Variants in WDR13 observed in about 807,000 individuals in gnomAD.
WDR13 encodes WD repeat-containing protein 13.
In WDR13, 1 loss-of-function variant was observed where a neutral mutation model predicts 28.6. The ratio of observed to expected loss-of-function variants is 0.03; its 90% CI spans 0.01 to 0.17. The LOEUF is 0.17. WDR13 is among the 10% of genes least tolerant of loss of function. WDR13 has a pLI of 1.00. For synonymous variants in WDR13, 201 were observed against 185.9 expected (o/e 1.08, Z -0.66); for missense variants, 264 against 469.3 (o/e 0.56, Z 4.04).
At position 48,607,862 on chromosome X, in the gene WDR13, G is replaced by A. The variant is rs2062230787; in HGVS notation, c.*2830G>A. ...CGGCTTACTGTAACCTCCGCCTCCT[G>A]GGTTCAAGCAATTCTCCTGCCTCAG... On this transcript the variant is annotated 3_prime_UTR_variant, in exon 10 of 10. Coordinates refer to ENST00000376729, the MANE Select transcript of WDR13 (RefSeq NM_001347217.2). The A allele has an allele frequency of 9.3e-6, 1 of 107,489 alleles. No homozygotes were observed. The highest frequency in any genetic ancestry group is 3.0e-4 in the East Asian group (1 of 3,379). 8.9% of individuals were successfully genotyped at this position (107,489 alleles called of 1,213,427 possible).
rs920959595 is a variant in WDR13 at position 48,598,056 on chromosome X, G to A, written c.41+19G>A. 6.0e-6 allele frequency: 7 copies of A among 1,162,571 alleles called. No homozygotes were observed. Among genetic ancestry groups the A allele is most frequent in the Non-Finnish European group, 8.0e-6 (7 of 871,215 alleles). Reference sequence around the variant, plus strand: ...ACGCGAGGTGAGGCGTGGGGTCAAAGCCCATGGGAGCAGAACTTACTGTGG... The same window carrying A: ...ACGCGAGGTGAGGCGTGGGGTCAAAACCCATGGGAGCAGAACTTACTGTGG... On this transcript the variant is annotated intron_variant, in intron 2 of 9. Transcript: ENST00000376729.
In WDR13 at chrX:48,600,479, C is replaced by G. The variant is rs1156296969; in HGVS notation, c.684C>G (p.Ser228=). 1.1e-5 allele frequency: 13 copies of G among 1,211,405 alleles called. No homozygotes were observed. Among genetic ancestry groups the G allele is most frequent in the Non-Finnish European group, 1.5e-5 (13 of 895,535 alleles). ...TCTCCGACTTCGCCTGGTCCCTCTC[C>G]AATGACATCCTCGTGTCCACCTCAC... ...RGVSDFAWSL[S]NDILVSTSLD... is the part of the protein sequence containing the mutation. Residue 228 remains serine (S), a synonymous_variant, in exon 6 of 10, where the codon TCC becomes TCG. Coordinates refer to ENST00000376729, the MANE Select transcript of WDR13 (RefSeq NM_001347217.2).
At chrX:48,601,652 A>G (rs2062186619) in intron 6 of WDR13, 132 bp from the exon 7 acceptor site, 1 of 639,903 alleles carries the variant, frequency 1.6e-6, no homozygotes, top group African/African-American at 2.2e-5. Context: ...CACCTTGTCT[A>G]CCTGCCACAG....
intron 1 of WDR13, 114 bp downstream of exon 1, chrX:48,597,728 T>TA: frequency 2.9e-6 from 1 of 347,097 alleles, no homozygotes; most frequent in Non-Finnish European, 4.9e-6. Context: ...GGAGGGGCGT[T>TA]GCTATGGCGA....
Position 48,599,605 on chromosome X carries a change from G to A in WDR13, c.411G>A (p.Val137=). The A allele has an allele frequency of 8.2e-7, 1 of 1,212,652 alleles. No individual in the cohort carries two copies. Among genetic ancestry groups the A allele is most frequent in the Non-Finnish European group, 1.1e-6 (1 of 895,692 alleles). The part of the protein sequence containing the change: ...VYEDRPPGSV[V]PTSAAEASRA... ...GGCCCAGGCCCCCTGGCAGCGTGGTGCCCACGTCAGCAGCAGAGGCAAGTC... is the reference window on the plus strand; with the variant it reads ...GGCCCAGGCCCCCTGGCAGCGTGGTACCCACGTCAGCAGCAGAGGCAAGTC... Residue 137 remains valine, a synonymous_variant, in exon 5 of 10, where the codon GTG becomes GTA. Coordinates refer to ENST00000376729, the MANE Select transcript of WDR13 (RefSeq NM_001347217.2).
chrX:48,600,192 C>T (rs1697393724), intron 5 of WDR13, 127 bp from the exon 6 acceptor site: 1 of 679,742 alleles, frequency 1.5e-6, no homozygotes, highest in East Asian at 3.4e-5. Context: ...CAAGGAAAGC[C>T]CTTTGCTGAG....
At chrX:48,604,236 G>T in intron 8 of WDR13, 36 bp from the exon 9 acceptor site, 2 of 1,172,445 alleles carry the variant, frequency 1.7e-6, no homozygotes, top group Non-Finnish European at 2.3e-6. Flanking sequence ...TGCTAGGGCT[G>T]GGGCTGTGTT....
At chrX:48,600,747 C>T (rs1475916031) in intron 6 of WDR13, 121 bp downstream of exon 6, 1 of 837,016 alleles carries the variant, frequency 1.2e-6, no homozygotes, top group Non-Finnish European at 1.7e-6. Context: ...CACCCCCCAC[C>T]CAATCTCGTC....
In WDR13 at chrX:48,607,710, G is replaced by A. The variant is rs1173747662; in HGVS notation, c.*2678G>A. 1 of 108,935 alleles carries A rather than the reference G, an allele frequency of 9.2e-6. No individual in the cohort carries two copies. Among genetic ancestry groups the A allele is most frequent in the Non-Finnish European group, 1.9e-5 (1 of 52,528 alleles). The allele number at this position is 108,935 out of a possible 1,213,427, so 9.0% of individuals were successfully genotyped here. A position where few individuals can be genotyped will look rare whatever the true frequency, so the allele number is the denominator to read the frequency against. On this transcript the variant is annotated 3_prime_UTR_variant, in exon 10 of 10. Transcript: ENST00000376729. Reference sequence around the variant, plus strand: ...TGGTCACATAGGCACCCCCTGCCTGGCACCTACCCAAATCCCAGGCTCCCA... The same window carrying A: ...TGGTCACATAGGCACCCCCTGCCTGACACCTACCCAAATCCCAGGCTCCCA...
Position 48,602,220 on chromosome X carries a change from C to T in WDR13, c.1154+14C>T. 1 of 1,202,042 alleles carries T rather than the reference C, an allele frequency of 8.3e-7. No individual in the cohort carries two copies. The highest frequency in any genetic ancestry group is 1.1e-6 in the Non-Finnish European group (1 of 887,580). On this transcript the variant is annotated intron_variant, in intron 8 of 9. Coordinates refer to ENST00000376729, the MANE Select transcript of WDR13 (RefSeq NM_001347217.2). Reference sequence around the variant, plus strand: ...GCTGCTCTACAGGTGGGTCCCCCATCAGGGCCTCCTGGAGACGGAGGACCT... The same window carrying T: ...GCTGCTCTACAGGTGGGTCCCCCATTAGGGCCTCCTGGAGACGGAGGACCT...
intron 3 of WDR13, 46 bp from the exon 4 acceptor site, chrX:48,599,307 C>T (rs369214551): frequency 1.5e-5 from 16 of 1,035,112 alleles, no homozygotes; most frequent in Admixed American, 3.3e-5. Flanking sequence ...CAAAGGTTCT[C>T]GGGCTTTTTG....
chrX:48,606,893 TCAGTC>T lies in WDR13; in HGVS notation c.*1866_*1870del, dbSNP rs1429396404. On this transcript the variant is annotated 3_prime_UTR_variant, in exon 10 of 10. Coordinates refer to ENST00000376729, the MANE Select transcript of WDR13 (RefSeq NM_001347217.2). ...TGGAGGGAAATAATCTCCCGTTTGT[TCAGTC>T]CAGTTATTTGACAGTGTGGTTACTT... 1 of 111,928 alleles carries T rather than the reference TCAGTC, an allele frequency of 8.9e-6. No individual in the cohort carries two copies. The highest frequency in any genetic ancestry group is 2.8e-4 in the East Asian group (1 of 3,575). The allele number at this position is 111,928 out of a possible 1,213,427, so 9.2% of individuals were successfully genotyped here. A position where few individuals can be genotyped will look rare whatever the true frequency, so the allele number is the denominator to read the frequency against.
intron 1 of WDR13, 114 bp from the exon 2 acceptor site, chrX:48,597,844 G>A: frequency 1.0e-6 from 1 of 989,818 alleles, no homozygotes; most frequent in Non-Finnish European, 1.3e-6. Flanking sequence ...GGGGGAGTTC[G>A]TGACATCTCC....
Position 48,602,132 on chromosome X carries a change from G to A in WDR13, c.1080G>A (p.Arg360=). Residue 360 remains arginine, a synonymous_variant, in exon 8 of 10, where the codon CGG becomes CGA. Coordinates refer to ENST00000376729, the MANE Select transcript of WDR13 (RefSeq NM_001347217.2). The part of the protein sequence containing the change: ...EGSPVTSISA[R]SWVSREARDP... ...GCCCTGTGACCAGCATCTCAGCCCG[G>A]TCCTGGGTCAGCCGCGAGGCCCGGG... is the stretch of plus-strand genomic sequence containing the variant. 8.3e-7 allele frequency: 1 copy of A among 1,211,803 alleles called. No individual in the cohort carries two copies. Among genetic ancestry groups the A allele is most frequent in the Non-Finnish European group, 1.1e-6 (1 of 895,457 alleles).
Position 48,606,882 on chromosome X carries a change from C to G in WDR13, c.*1850C>G, listed in dbSNP as rs1374553171. On this transcript the variant is annotated 3_prime_UTR_variant, in exon 10 of 10. Coordinates refer to ENST00000376729, the MANE Select transcript of WDR13 (RefSeq NM_001347217.2). ...AACAGTCTTGTTGGAGGGAAATAAT[C>G]TCCCGTTTGTTCAGTCCAGTTATTT... 8.9e-6 allele frequency: 1 copy of G among 112,033 alleles called. No homozygotes were observed. The highest frequency in any genetic ancestry group is 3.2e-5 in the African/African-American group (1 of 30,831). 9.2% of individuals were successfully genotyped at this position (112,033 alleles called of 1,213,427 possible).
chrX:48,599,221 T>TA lies in WDR13; in HGVS notation c.283-132_283-131insA, dbSNP rs1556993651. ...GAGGAAGCCACTGCAGTAGTACAAG[T>TA]GGGCAGCGGTGGTGGTGGCAGGGGA... is the stretch of plus-strand genomic sequence containing the variant. On this transcript the variant is annotated intron_variant, in intron 3 of 9. Coordinates refer to ENST00000376729, the MANE Select transcript of WDR13 (RefSeq NM_001347217.2). 6.1e-4 allele frequency: 373 copies of TA among 614,078 alleles called. 3 individuals are homozygous for TA. In the East Asian group the frequency reaches 0.013, roughly 22 times the overall value. The allele number at this position is 614,078 out of a possible 1,213,427, so 50.6% of individuals were successfully genotyped here.
At chrX:48,600,651 C>T in intron 6 of WDR13, 25 bp downstream of exon 6, 1 of 1,197,186 alleles carries the variant, frequency 8.4e-7, no homozygotes, top group Non-Finnish European at 1.1e-6. Context: ...CACCCACTCA[C>T]CAAGGGCTGG....
chrX:48,601,763 G>C (rs1029054217), intron 6 of WDR13, 21 bp from the exon 7 acceptor site: 2 of 1,149,446 alleles, frequency 1.7e-6, no homozygotes, highest in Non-Finnish European at 2.3e-6. Context: ...CAGGATGATG[G>C]TCTGTGCATT....
chrX:48,598,448 G>A, intron 2 of WDR13: 1 of 1,022,804 alleles, frequency 9.8e-7, no homozygotes, highest in South Asian at 2.9e-5. Flanking sequence ...ATTATTGTCT[G>A]CGCTGACCCA....
Sources: gnomAD v4.1 joint callset for allele counts on GRCh38, gnomAD v4.1.1 for gene constraint, MANE v1.5 for transcripts, NCBI Gene and HGNC (gene_info 2026-07-23, HGNC 2026-07-21) for gene names.